The following FSTL5 variants were observed in gnomAD, a reference collection of about 807,000 sequenced individuals.
FSTL5 encodes the protein follistatin like 5.
A neutral mutation model predicts 89.1 loss-of-function variants in FSTL5; 62 were observed. That is an observed-to-expected ratio of 0.70 (90% CI 0.57 to 0.86). The LOEUF is 0.86. Ranked by LOEUF, FSTL5 falls within the 40% of genes least tolerant of loss-of-function variation. The probability of loss-of-function intolerance (pLI) is 0.00; values close to 1 mark genes in which losing one functional copy is unlikely to be tolerated. For synonymous variants in FSTL5, 383 were observed against 346.2 expected, an observed-to-expected ratio of 1.11 and a Z score of -1.18; for missense variants, 1,057 against 1,001.6, an observed-to-expected ratio of 1.06 and a Z score of -0.75.
intron 2 of FSTL5, among the ~76,000 whole-genome samples, chr4:162,087,750 G>A (rs979186573): frequency 1.3e-5 from 2 of 152,092 alleles, no homozygotes; most frequent in African/African-American, 2.4e-5. Context: ...CTGCTTTGGA[G>A]GTGACAAAAT....
chr4:161,779,780 TATATATATATATA>T (rs1257345106), intron 4 of FSTL5, among the ~76,000 whole-genome samples: 4 of 42,770 alleles, frequency 9.4e-5, no homozygotes, highest in Non-Finnish European at 1.0e-4. Context: ...TATATGTATA[TATATATATATATA>T]TATATATATA....
chr4:161,685,480 T>A (rs563680996), intron 6 of FSTL5, among the ~76,000 whole-genome samples: 1 of 152,208 alleles, frequency 6.6e-6, no homozygotes, highest in Non-Finnish European at 1.5e-5. Flanking sequence ...GTTAGGTATA[T>A]TCCTAAGTGT....
chr4:161,888,584 A>AT (rs1374688777), intron 4 of FSTL5, among the ~76,000 whole-genome samples: 2 of 152,168 alleles, frequency 1.3e-5, no homozygotes, highest in Non-Finnish European at 2.9e-5. Flanking sequence ...TTTATCAGAA[A>AT]TTTCACTGAC....
chr4:162,110,631 GAAT>G (rs1326958072), intron 2 of FSTL5, among the ~76,000 whole-genome samples: 1 of 151,536 alleles, frequency 6.6e-6, no homozygotes, highest in Non-Finnish European at 1.5e-5. Flanking sequence ...AAAAAGTTGA[GAAT>G]ATTATTTTCA....
At chr4:161,658,226 G>A (rs1229982392) in intron 6 of FSTL5, among the ~76,000 whole-genome samples, 2 of 152,130 alleles carry the variant, frequency 1.3e-5, no homozygotes, top group South Asian at 2.1e-4. Flanking sequence ...AGCATCGGGA[G>A]GCAGAGGCAG....
intron 6 of FSTL5, among the ~76,000 whole-genome samples, chr4:161,694,153 C>T (rs1400784395): frequency 6.6e-6 from 1 of 152,176 alleles, no homozygotes; most frequent in South Asian, 2.1e-4. Flanking sequence ...TAACTATTCC[C>T]TTGCTTTTCT....
At chr4:161,534,480 C>T (rs936238716) in intron 10 of FSTL5, among the ~76,000 whole-genome samples, 1 of 151,928 alleles carries the variant, frequency 6.6e-6, no homozygotes, top group African/African-American at 2.4e-5. Flanking sequence ...TTTATAATAG[C>T]TAAAATTATA....
Position 161,642,126 on chromosome 4 carries a change from A to T in FSTL5, c.894+14202T>A, listed in dbSNP as rs1735987515. 3.9e-5 allele frequency among the ~76,000 whole-genome samples: 6 copies of T among 152,182 alleles called. No individual in the cohort carries two copies. In the South Asian group the frequency reaches 1.0e-3, roughly 26 times the overall value. On this transcript the variant is annotated intron_variant, in intron 7 of 15. Transcript: ENST00000306100. The stretch of plus-strand genomic sequence containing the variant: ...TGTGTACATTGTGAAATATTGCCAC[A>T]ATCAAGTTAACTAACATATCCATTA...
rs56387876 is a variant in FSTL5 at position 161,569,758 on chromosome 4, AACACACACACAC to A, written c.1015+17685_1015+17696del. Among the ~76,000 whole-genome samples, 391 of 134,356 alleles carry A rather than the reference AACACACACACAC, an allele frequency of 2.9e-3. 1 individual carries two copies. Among genetic ancestry groups the A allele is most frequent in the Admixed American group, 6.2e-3 (88 of 14,110 alleles). The allele number at this position is 134,356 out of a possible 152,430, so 88.1% of individuals were successfully genotyped here. On this transcript the variant is annotated intron_variant, in intron 8 of 15. Coordinates refer to ENST00000306100, the MANE Select transcript of FSTL5 (RefSeq NM_020116.5). The stretch of plus-strand genomic sequence containing the variant: ...ATGAGATCTTTAAGTCCAACACACA[AACACACACACAC>A]ACACACACACACACACACACACACA...
chr4:161,547,312 C>T (rs991521806), intron 8 of FSTL5, among the ~76,000 whole-genome samples: 1 of 152,014 alleles, frequency 6.6e-6, no homozygotes, highest in Non-Finnish European at 1.5e-5. Flanking sequence ...TTGATTATTT[C>T]ATTTCTCTGT....
chr4:161,436,895 A>G (rs971637758), intron 15 of FSTL5, among the ~76,000 whole-genome samples: 3 of 152,218 alleles, frequency 2.0e-5, no homozygotes, highest in African/African-American at 7.2e-5. Flanking sequence ...TTCTACGAGT[A>G]TATTCAATAA....
intron 4 of FSTL5, among the ~76,000 whole-genome samples, chr4:161,784,895 A>AAAAAAAAAAAAACAAAAC (rs1553965825): frequency 1.4e-5 from 2 of 141,964 alleles, no homozygotes; most frequent in African/African-American, 5.3e-5. Context: ...TCCGTCTCAA[A>AAAAAAAAAAAAACAAAAC]AAAAACAAAA....
chr4:161,624,748 A>G, intron 7 of FSTL5, among the ~76,000 whole-genome samples: 1 of 152,124 alleles, frequency 6.6e-6, no homozygotes, highest in Non-Finnish European at 1.5e-5. Flanking sequence ...TACTATTCCA[A>G]GATTAAAATA....
chr4:161,511,132 T>C (rs1399595840), intron 10 of FSTL5, among the ~76,000 whole-genome samples: 1 of 152,164 alleles, frequency 6.6e-6, no homozygotes, highest in Non-Finnish European at 1.5e-5. Flanking sequence ...GCTTCTTTAA[T>C]AATTCAAAGT....
At chr4:161,914,260 G>T (rs139334987) in intron 4 of FSTL5, among the ~76,000 whole-genome samples, 1 of 151,974 alleles carries the variant, frequency 6.6e-6, no homozygotes, top group Non-Finnish European at 1.5e-5. Flanking sequence ...AAAATAGTAA[G>T]CTCAAACACA....
intron 6 of FSTL5, among the ~76,000 whole-genome samples, chr4:161,751,117 A>G (rs72689198): frequency 0.037 from 5,584 of 152,292 alleles, 151 homozygotes; most frequent in Non-Finnish European, 0.059. Context: ...GGTGAAAAAA[A>G]GAACCCTAAA....
chr4:161,783,757 T>TTTCC (rs1560843898), intron 4 of FSTL5, among the ~76,000 whole-genome samples: 3 of 108,610 alleles, frequency 2.8e-5, no homozygotes, highest in Non-Finnish European at 5.6e-5. Flanking sequence ...TCTTTCTTTC[T>TTTCC]TTCCTTCTTT....
At chr4:161,550,556 T>TA (rs1417571930) in intron 8 of FSTL5, among the ~76,000 whole-genome samples, 14 of 74,366 alleles carry the variant, frequency 1.9e-4, no homozygotes, top group African/African-American at 4.5e-4. Flanking sequence ...AGTAACTTCT[T>TA]TTTTATTTAT....
At position 161,594,004 on chromosome 4, in the gene FSTL5, T is replaced by C. The variant is rs149722713; in HGVS notation, c.895-6429A>G. On this transcript the variant is annotated intron_variant, in intron 7 of 15. Coordinates refer to ENST00000306100, the MANE Select transcript of FSTL5 (RefSeq NM_020116.5). ...AGCAGATATTTGACATGTTGTAGAG[T>C]ATAATGGGGGGAAAGCCAAACTTTT... Among the ~76,000 whole-genome samples, 439 of 151,926 alleles carry C rather than the reference T, an allele frequency of 2.9e-3. 1 individual carries two copies. The highest frequency in any genetic ancestry group is 5.0e-3 in the Non-Finnish European group (338 of 67,962).
Sources: gnomAD v4.1 joint callset for allele counts (sites outside exome capture counted in the v4.1 genomes callset) on GRCh38, gnomAD v4.1.1 for gene constraint, MANE v1.5 for transcripts, NCBI Gene and HGNC (gene_info 2026-07-23, HGNC 2026-07-21) for gene names.